The following RAB2A variants were observed in gnomAD, a reference collection of about 807,000 sequenced individuals.
RAB2A encodes RAB2A, member RAS oncogene family, also known as ras-related protein Rab-2A.
RAB2A carries 7 observed loss-of-function variants against 32.5 expected under a neutral mutation model. The ratio of observed to expected loss-of-function variants is 0.22; its 90% CI spans 0.12 to 0.40. RAB2A has a LOEUF of 0.40. Ranked by LOEUF, RAB2A falls within the 10% of genes least tolerant of loss-of-function variation. The pLI, the probability that RAB2A is intolerant of heterozygous loss-of-function variation, is 1.00. For missense variants in RAB2A, 108 were observed against 260.7 expected, an observed-to-expected ratio of 0.41 and a Z score of 4.03; for synonymous variants, 79 against 85.2, an observed-to-expected ratio of 0.93 and a Z score of 0.40.
At chr8:60,579,645 T>C (rs1452809355) in intron 3 of RAB2A, among the ~76,000 whole-genome samples, 1 of 147,350 alleles carries the variant, frequency 6.8e-6, no homozygotes, top group Non-Finnish European at 1.5e-5. Flanking sequence ...TTTTTTTTTT[T>C]GAGATGGAGT....
chr8:60,523,191 G>C (rs1384014066), intron 1 of RAB2A, among the ~76,000 whole-genome samples: 1 of 145,388 alleles, frequency 6.9e-6, no homozygotes, highest in African/African-American at 2.6e-5. Context: ...AGACAGTCTC[G>C]CTGTCACCCA....
intron 1 of RAB2A, among the ~76,000 whole-genome samples, chr8:60,533,650 A>G (rs1172045487): frequency 2.0e-5 from 3 of 151,896 alleles, no homozygotes; most frequent in Admixed American, 1.3e-4. Flanking sequence ...TTTGCAGTTG[A>G]TTTTTTTTCT....
intron 6 of RAB2A, among the ~76,000 whole-genome samples, chr8:60,609,570 T>G (rs1205878190): frequency 1.3e-5 from 2 of 152,212 alleles, no homozygotes; most frequent in Non-Finnish European, 2.9e-5. Flanking sequence ...CTTCCTTCAG[T>G]CTTTCATTCT....
chr8:60,539,283 G>A (rs527849875), intron 1 of RAB2A, among the ~76,000 whole-genome samples: 2 of 152,182 alleles, frequency 1.3e-5, no homozygotes, highest in South Asian at 2.1e-4. Flanking sequence ...TACGTATAGA[G>A]TAATTTGGCC....
chr8:60,570,268 C>G (rs1465814757), intron 2 of RAB2A, among the ~76,000 whole-genome samples: 1 of 152,116 alleles, frequency 6.6e-6, no homozygotes, highest in African/African-American at 2.4e-5. Flanking sequence ...GCCAACCCAT[C>G]CCTGACAATG....
Position 60,517,294 on chromosome 8 carries a change from C to G in RAB2A, c.46+41C>G, listed in dbSNP as rs762742085. The stretch of plus-strand genomic sequence containing the variant: ...GCGGCCGGGCGGGTGTCGGCGGCCT[C>G]CGGACCCGGGCTGAGGGGCAAACGG... On this transcript the variant is annotated intron_variant, in intron 1 of 7. Transcript: ENST00000262646. The G allele has an allele frequency of 8.8e-6, 13 of 1,469,456 alleles. No homozygotes were observed. The South Asian group carries it at 1.7e-4, about 19-fold the overall frequency. The allele number at this position is 1,469,456 out of a possible 1,614,324, so 91.0% of individuals were successfully genotyped here. A position where few individuals can be genotyped will look rare whatever the true frequency, so the allele number is the denominator to read the frequency against.
chr8:60,590,419 C>T (rs996181060), intron 5 of RAB2A, among the ~76,000 whole-genome samples: 5 of 150,660 alleles, frequency 3.3e-5, no homozygotes, highest in African/African-American at 1.2e-4. Flanking sequence ...GGGAGGATCA[C>T]TTGAGTCCTG....
intron 5 of RAB2A, 126 bp from the exon 6 acceptor site, chr8:60,591,732 T>C (rs769632422): frequency 1.6e-6 from 1 of 606,306 alleles, no homozygotes; most frequent in Non-Finnish European, 3.0e-6. Flanking sequence ...AATAATACAG[T>C]TAGTATGTTA....
At chr8:60,553,932 G>A (rs948705678) in intron 1 of RAB2A, among the ~76,000 whole-genome samples, 5 of 152,214 alleles carry the variant, frequency 3.3e-5, no homozygotes, top group Non-Finnish European at 7.3e-5. Flanking sequence ...TTGCCAGGGA[G>A]TGAAAAGTTC....
intron 6 of RAB2A, among the ~76,000 whole-genome samples, chr8:60,593,293 G>A (rs981225039): frequency 6.6e-6 from 1 of 152,164 alleles, no homozygotes; most frequent in Non-Finnish European, 1.5e-5. Context: ...ACTTCCCTTA[G>A]TAGACCTTGG....
intron 1 of RAB2A, among the ~76,000 whole-genome samples, chr8:60,555,232 T>C (rs1293337234): frequency 6.6e-6 from 1 of 152,226 alleles, no homozygotes; most frequent in Non-Finnish European, 1.5e-5. Context: ...GACTTTGGTC[T>C]TTCAAAACTA....
intron 6 of RAB2A, among the ~76,000 whole-genome samples, chr8:60,606,652 C>T (rs1804236169): frequency 6.6e-6 from 1 of 152,194 alleles, no homozygotes; most frequent in Non-Finnish European, 1.5e-5. Flanking sequence ...ACATTAATAA[C>T]ACTAATATAC....
chr8:60,528,496 T>A (rs1807426051), intron 1 of RAB2A, among the ~76,000 whole-genome samples: 1 of 152,204 alleles, frequency 6.6e-6, no homozygotes. Context: ...TGTTCTAATA[T>A]GTTGATCGTC....
At chr8:60,603,361 G>C (rs543051441) in intron 6 of RAB2A, among the ~76,000 whole-genome samples, 1 of 152,322 alleles carries the variant, frequency 6.6e-6, no homozygotes, top group South Asian at 2.1e-4. Context: ...AACTGTTACA[G>C]TTCCCTGTAA....
chr8:60,615,927 T>C (rs1407242734), intron 6 of RAB2A, among the ~76,000 whole-genome samples: 2 of 152,202 alleles, frequency 1.3e-5, no homozygotes, highest in South Asian at 2.1e-4. Flanking sequence ...TGTCATGAAG[T>C]ATGTAAAACA....
At position 60,584,010 on chromosome 8, in the gene RAB2A, C is replaced by T. The variant is rs1039400289; in HGVS notation, c.187-198C>T. On this transcript the variant is annotated intron_variant, in intron 3 of 7. Transcript: ENST00000262646. ...TGCAGGAGCGACTACATGTGCACTACATGTGCGTCTCGTTGACTTGAGCAA... is the reference window on the plus strand; with the variant it reads ...TGCAGGAGCGACTACATGTGCACTATATGTGCGTCTCGTTGACTTGAGCAA... 8.6e-5 allele frequency: 42 copies of T among 486,098 alleles called. 1 individual carries two copies. Among genetic ancestry groups the T allele is most frequent in the Non-Finnish European group, 3.4e-5 (9 of 263,302 alleles). The allele number at this position is 486,098 out of a possible 1,614,324, so 30.1% of individuals were successfully genotyped here.
Position 60,615,534 on chromosome 8 carries a change from A to G in RAB2A, c.475-3046A>G, listed in dbSNP as rs183327994. ...ATTGATATTTAATGAATAGAGTGAA[A>G]TGATCAATTTTTTAAAATCCCAGCC... On this transcript the variant is annotated intron_variant, in intron 6 of 7. Transcript: ENST00000262646. 6.6e-5 allele frequency among the ~76,000 whole-genome samples: 10 copies of G among 152,330 alleles called. No individual in the cohort carries two copies. In the East Asian group the frequency reaches 1.9e-3, roughly 29 times the overall value.
chr8:60,556,641 TAAAAA>T (rs11393857), intron 1 of RAB2A, among the ~76,000 whole-genome samples: 9 of 106,592 alleles, frequency 8.4e-5, no homozygotes, highest in East Asian at 2.5e-4. Flanking sequence ...CTCTTTTTAA[TAAAAA>T]AAAAAAAAAA....
At chr8:60,569,744 CT>C (rs1187737172) in intron 2 of RAB2A, among the ~76,000 whole-genome samples, 2 of 152,170 alleles carry the variant, frequency 1.3e-5, no homozygotes, top group African/African-American at 4.8e-5. Context: ...AATTCCTAGG[CT>C]CAAGCAATCC....
Sources: gnomAD v4.1 joint callset for allele counts (sites outside exome capture counted in the v4.1 genomes callset) on GRCh38, gnomAD v4.1.1 for gene constraint, MANE v1.5 for transcripts, NCBI Gene and HGNC (gene_info 2026-07-23, HGNC 2026-07-21) for gene names.